MECOM: variants seen among roughly 807,000 people sequenced by gnomAD.
MECOM encodes histone-lysine N-methyltransferase MECOM.
MECOM carries 13 observed loss-of-function variants against 116.3 expected under a neutral mutation model. That is an observed-to-expected ratio of 0.11 (90% CI 0.07 to 0.18). The LOEUF is 0.18. MECOM is among the 10% of genes least tolerant of loss of function. The pLI is 1.00. For missense variants in MECOM, 1,299 were observed against 1,509.0 expected (o/e 0.86, Z 2.31); for synonymous variants, 528 against 535.2 (o/e 0.99, Z 0.19).
At chr3:169,144,733 C>T (rs757108582) in intron 2 of MECOM, among the ~76,000 whole-genome samples, 1 of 152,050 alleles carries the variant, frequency 6.6e-6, no homozygotes, top group Admixed American at 6.5e-5. Flanking sequence ...ATATTAAAAG[C>T]TGTAGAGTTG....
chr3:169,476,173 G>A (rs1578206243), intron 1 of MECOM, among the ~76,000 whole-genome samples: 1 of 152,216 alleles, frequency 6.6e-6, no homozygotes, highest in East Asian at 1.9e-4. Flanking sequence ...AAGACCTCCT[G>A]GGCACAACAG....
At position 169,658,522 on chromosome 3, in the gene MECOM, C is replaced by A. The variant is rs116291678; in HGVS notation, c.37+4814G>T. Reference sequence around the variant, plus strand: ...GTAAACCCAGCTCCGAGGGAAGCAGCGCGCCAGGCACGCAGCCCCTCTGAG... The same window carrying A: ...GTAAACCCAGCTCCGAGGGAAGCAGAGCGCCAGGCACGCAGCCCCTCTGAG... On this transcript the variant is annotated intron_variant, in intron 1 of 16. Coordinates refer to ENST00000651503, the MANE Select transcript of MECOM (RefSeq NM_004991.4). Among the ~76,000 whole-genome samples the A allele has an allele frequency of 2.5e-3, 388 of 152,332 alleles. 3 individuals are homozygous for A. The highest frequency in any genetic ancestry group is 9.0e-3 in the African/African-American group (373 of 41,592).
intron 2 of MECOM, chr3:169,146,056 G>T: frequency 8.1e-6 from 2 of 246,800 alleles, no homozygotes; most frequent in Non-Finnish European, 1.5e-5. Flanking sequence ...CGGAAATCTC[G>T]AATAAAATAA....
chr3:169,381,637 G>T, intron 1 of MECOM, 113 bp from the exon 2 acceptor site: 1 of 771,402 alleles, frequency 1.3e-6, no homozygotes, highest in Admixed American at 3.0e-5. Context: ...AAAGACCATT[G>T]TTACGATGTG....
intron 1 of MECOM, among the ~76,000 whole-genome samples, chr3:169,531,401 C>A (rs1454550207): frequency 1.3e-5 from 2 of 152,156 alleles, no homozygotes; most frequent in Non-Finnish European, 2.9e-5. Flanking sequence ...TTAACAGTAA[C>A]AAAACTCTAA....
chr3:169,426,710 T>A (rs1374876540), intron 1 of MECOM, among the ~76,000 whole-genome samples: 2 of 152,226 alleles, frequency 1.3e-5, no homozygotes, highest in Non-Finnish European at 2.9e-5. Flanking sequence ...GTAATTGCAG[T>A]TAATATGAGA....
intron 1 of MECOM, among the ~76,000 whole-genome samples, chr3:169,433,639 G>GAGAAAGAAAGAAAGAAAGAAAGAA (rs748166969): frequency 3.6e-4 from 46 of 127,052 alleles, no homozygotes; most frequent in Middle Eastern, 3.6e-3. Flanking sequence ...GAAAGAGAAA[G>GAGAAAGAAAGAAAGAAAGAAAGAA]AGAAAGAAAG....
chr3:169,620,384 G>T (rs1371516956), intron 1 of MECOM, among the ~76,000 whole-genome samples: 2 of 152,184 alleles, frequency 1.3e-5, no homozygotes, highest in Admixed American at 6.5e-5. Flanking sequence ...TCTGTTGAAA[G>T]AATTGGGATG....
intron 1 of MECOM, among the ~76,000 whole-genome samples, chr3:169,604,668 G>C (rs1245999775): frequency 6.6e-6 from 1 of 152,164 alleles, no homozygotes; most frequent in African/African-American, 2.4e-5. Context: ...ACTTCCCCAG[G>C]GCTACCAAGA....
chr3:169,357,892 T>A (rs932729803), intron 2 of MECOM, among the ~76,000 whole-genome samples: 4 of 151,702 alleles, frequency 2.6e-5, no homozygotes, highest in Admixed American at 2.0e-4. Context: ...TGCTATATTC[T>A]CTGGGCATTT....
intron 1 of MECOM, among the ~76,000 whole-genome samples, chr3:169,416,785 C>T (rs1196048320): frequency 2.0e-5 from 3 of 151,600 alleles, no homozygotes; most frequent in Admixed American, 1.3e-4. Context: ...AATCTAGAAG[C>T]CCTCAGAAAT....
At chr3:169,492,569 C>T (rs1248975500) in intron 1 of MECOM, among the ~76,000 whole-genome samples, 1 of 152,182 alleles carries the variant, frequency 6.6e-6, no homozygotes, top group East Asian at 1.9e-4. Context: ...AAGTTAAATA[C>T]AGTTATTTAC....
intron 1 of MECOM, among the ~76,000 whole-genome samples, chr3:169,491,561 A>T (rs1198831630): frequency 6.6e-6 from 1 of 152,208 alleles, no homozygotes; most frequent in East Asian, 1.9e-4. Flanking sequence ...TATCTTCATG[A>T]ATAACTACAT....
At chr3:169,087,671 A>G (rs1718277627) in intron 16 of MECOM, among the ~76,000 whole-genome samples, 1 of 144,252 alleles carries the variant, frequency 6.9e-6, no homozygotes, top group Admixed American at 6.7e-5. Context: ...AGGATGGAAG[A>G]ATGGGAAATC....
intron 3 of MECOM, among the ~76,000 whole-genome samples, chr3:169,133,164 C>T (rs1048717199): frequency 6.6e-6 from 1 of 151,896 alleles, no homozygotes; most frequent in Non-Finnish European, 1.5e-5. Context: ...ACAACAACCA[C>T]CATCATATTC....
At chr3:169,649,917 T>C (rs1018570107) in intron 1 of MECOM, among the ~76,000 whole-genome samples, 2 of 152,266 alleles carry the variant, frequency 1.3e-5, no homozygotes, top group Non-Finnish European at 2.9e-5. Flanking sequence ...TGAGTTTTAA[T>C]AAGCAAAATA....
chr3:169,496,983 C>A (rs1753889825), intron 1 of MECOM, among the ~76,000 whole-genome samples: 1 of 152,224 alleles, frequency 6.6e-6, no homozygotes, highest in Non-Finnish European at 1.5e-5. Context: ...TCTATCCATT[C>A]AAACTATTAC....
At chr3:169,413,739 G>A (rs952190331) in intron 1 of MECOM, among the ~76,000 whole-genome samples, 4 of 152,108 alleles carry the variant, frequency 2.6e-5, no homozygotes, top group Non-Finnish European at 5.9e-5. Flanking sequence ...TGAGTAGGTG[G>A]TTTTCCCTCA....
At chr3:169,137,564 TATCCC>T (rs1736740641) in intron 3 of MECOM, among the ~76,000 whole-genome samples, 1 of 152,064 alleles carries the variant, frequency 6.6e-6, no homozygotes, top group African/African-American at 2.4e-5. Context: ...AAAGAAAAAG[TATCCC>T]ATATTTGTCT....
Sources: gnomAD v4.1 joint callset for allele counts (sites outside exome capture counted in the v4.1 genomes callset) on GRCh38, gnomAD v4.1.1 for gene constraint, MANE v1.5 for transcripts, NCBI Gene and HGNC (gene_info 2026-07-23, HGNC 2026-07-21) for gene names.